LPCAT2: variants seen among roughly 807,000 people sequenced by gnomAD.
LPCAT2 encodes the protein 1-AGP acyltransferase 11.
Under a neutral mutation model 64.7 loss-of-function variants are expected in LPCAT2, and 58 were observed. That is an observed-to-expected ratio of 0.90 (90% CI 0.73 to 1.12). The LOEUF (loss-of-function observed/expected upper bound fraction) is 1.12. LPCAT2 is among the 50% of genes most tolerant of loss of function. The pLI is 0.00. For missense variants in LPCAT2, 579 were observed against 669.8 expected (o/e 0.86, Z 1.50); for synonymous variants, 252 against 245.3 (o/e 1.03, Z -0.26).
At chr16:55,556,218 T>C (rs555699404) in intron 11 of LPCAT2, among the ~76,000 whole-genome samples, 57 of 152,330 alleles carry the variant, frequency 3.7e-4, no homozygotes, top group Admixed American at 9.8e-4. Context: ...TTTTCCACTA[T>C]GGTTTTAGAA....
At chr16:55,570,616 A>G (rs1299864559) in intron 11 of LPCAT2, among the ~76,000 whole-genome samples, 1 of 152,146 alleles carries the variant, frequency 6.6e-6, no homozygotes, top group Non-Finnish European at 1.5e-5. Flanking sequence ...AATTATTTAA[A>G]AAAATCTTAT....
intron 11 of LPCAT2, chr16:55,567,272 T>C: frequency 6.2e-7 from 1 of 1,613,704 alleles, no homozygotes; most frequent in Non-Finnish European, 8.5e-7. Context: ...TGGGAAGTTC[T>C]CAGCTGCGGG....
rs562179100 is a variant in LPCAT2, at chr16:55,580,521, G to C, written c.1450+1277G>C. 4.6e-5 allele frequency among the ~76,000 whole-genome samples: 7 copies of C among 152,078 alleles called. No homozygotes were observed. In the South Asian group the frequency reaches 1.5e-3, roughly 32 times the overall value. On this transcript the variant is annotated intron_variant, in intron 13 of 13. Transcript: ENST00000262134. ...TTTTTGGAGTTCAACCTTTTTCTTTGCAGAATACAGAATATCTCCCCTTTC... is the reference window on the plus strand; with the variant it reads ...TTTTTGGAGTTCAACCTTTTTCTTTCCAGAATACAGAATATCTCCCCTTTC...
At chr16:55,531,258 A>T (rs1232428881) in intron 4 of LPCAT2, among the ~76,000 whole-genome samples, 2 of 152,124 alleles carry the variant, frequency 1.3e-5, no homozygotes, top group Non-Finnish European at 2.9e-5. Flanking sequence ...TCACTTAGCA[A>T]TTTATTCATG....
intron 9 of LPCAT2, 99 bp downstream of exon 9, chr16:55,545,916 C>A (rs1963449001): frequency 3.9e-6 from 3 of 766,858 alleles, no homozygotes; most frequent in Admixed American, 4.9e-5. Context: ...CCCCTGAAGG[C>A]CTCGTTCCCC....
chr16:55,523,201 G>A (rs1021836533), intron 1 of LPCAT2, among the ~76,000 whole-genome samples: 5 of 151,616 alleles, frequency 3.3e-5, no homozygotes, highest in African/African-American at 1.2e-4. Flanking sequence ...TGAAAAATGT[G>A]TTCAACATTA....
In LPCAT2 at chr16:55,585,922, G is replaced by T. The variant is rs1258293913; in HGVS notation, c.*2824G>T. On this transcript the variant is annotated 3_prime_UTR_variant, in exon 14 of 14. Transcript: ENST00000262134. ...AAGGCCACTAATTGATGCTCAAATAGAAGGATATTGACTATATTGGAACAG... is the reference window on the plus strand; with the variant it reads ...AAGGCCACTAATTGATGCTCAAATATAAGGATATTGACTATATTGGAACAG... 2.0e-5 allele frequency: 3 copies of T among 152,174 alleles called. No individual in the cohort carries two copies. The highest frequency in any genetic ancestry group is 4.4e-5 in the Non-Finnish European group (3 of 68,028). 9.4% of individuals were successfully genotyped at this position (152,174 alleles called of 1,614,324 possible). A position where few individuals can be genotyped will look rare whatever the true frequency, so the allele number is the denominator to read the frequency against.
intron 1 of LPCAT2, among the ~76,000 whole-genome samples, chr16:55,511,378 A>C (rs1303622296): frequency 6.6e-6 from 1 of 152,188 alleles, no homozygotes; most frequent in Non-Finnish European, 1.5e-5. Flanking sequence ...GCATGGTAGA[A>C]AAACAATGTC....
chr16:55,558,908 A>G (rs968526673), intron 11 of LPCAT2, among the ~76,000 whole-genome samples: 5 of 152,166 alleles, frequency 3.3e-5, no homozygotes, highest in African/African-American at 9.7e-5. Context: ...ACAAGTCACT[A>G]TAAGTCTGAC....
intron 1 of LPCAT2, among the ~76,000 whole-genome samples, chr16:55,510,829 A>G (rs868054557): frequency 5.3e-5 from 8 of 152,364 alleles, no homozygotes; most frequent in Middle Eastern, 3.4e-3. Flanking sequence ...ATTTAATTAA[A>G]TCATACTTAA....
intron 11 of LPCAT2, among the ~76,000 whole-genome samples, chr16:55,573,494 G>T (rs183523151): frequency 6.6e-6 from 1 of 151,932 alleles, no homozygotes; most frequent in Admixed American, 6.6e-5. Flanking sequence ...TGATTGAAGC[G>T]TAGATACTTC....
chr16:55,516,369 T>G (rs1471689426), intron 1 of LPCAT2, among the ~76,000 whole-genome samples: 1 of 152,182 alleles, frequency 6.6e-6, no homozygotes, highest in Non-Finnish European at 1.5e-5. Context: ...CTTCCCAAAG[T>G]GCTGGGATTA....
intron 9 of LPCAT2, among the ~76,000 whole-genome samples, chr16:55,548,246 G>A (rs1192852925): frequency 3.3e-5 from 5 of 151,600 alleles, no homozygotes; most frequent in Admixed American, 1.3e-4. Flanking sequence ...TTTGGTATTC[G>A]GTGTTTTTCC....
intron 13 of LPCAT2, among the ~76,000 whole-genome samples, chr16:55,580,854 T>C (rs905582621): frequency 9.2e-6 from 1 of 108,216 alleles, no homozygotes; most frequent in Non-Finnish European, 2.0e-5. Context: ...TATTGTGAAC[T>C]GCACATGTGA....
intron 13 of LPCAT2, among the ~76,000 whole-genome samples, chr16:55,580,726 A>T (rs1475867525): frequency 2.6e-5 from 4 of 152,184 alleles, no homozygotes; most frequent in Non-Finnish European, 5.9e-5. Flanking sequence ...ATCTGTGGCC[A>T]TTAGGAACGG....
At chr16:55,524,642 G>A (rs1963143033) in intron 1 of LPCAT2, among the ~76,000 whole-genome samples, 1 of 151,894 alleles carries the variant, frequency 6.6e-6, no homozygotes, top group Non-Finnish European at 1.5e-5. Flanking sequence ...GGCCAGCAGA[G>A]ACAGCAAAAG....
chr16:55,576,545 C>T (rs532997486), intron 12 of LPCAT2, among the ~76,000 whole-genome samples: 15 of 152,264 alleles, frequency 9.9e-5, no homozygotes, highest in Non-Finnish European at 1.6e-4. Context: ...GTCCTGGCTG[C>T]AGGAACAGCC....
intron 11 of LPCAT2, among the ~76,000 whole-genome samples, chr16:55,558,511 C>G (rs1357473511): frequency 6.6e-6 from 1 of 152,176 alleles, no homozygotes; most frequent in African/African-American, 2.4e-5. Flanking sequence ...TTACCTCCTA[C>G]CACAAGCAAG....
At chr16:55,572,283 G>T (rs1449800066) in intron 11 of LPCAT2, among the ~76,000 whole-genome samples, 1 of 152,094 alleles carries the variant, frequency 6.6e-6, no homozygotes, top group Non-Finnish European at 1.5e-5. Flanking sequence ...ATAAAAACTG[G>T]ATATCTCACA....
Sources: gnomAD v4.1 joint callset for allele counts (sites outside exome capture counted in the v4.1 genomes callset) on GRCh38, gnomAD v4.1.1 for gene constraint, MANE v1.5 for transcripts, NCBI Gene and HGNC (gene_info 2026-07-23, HGNC 2026-07-21) for gene names.